Variants in UBASH3B observed in about 807,000 individuals in gnomAD.
The protein encoded by UBASH3B is ubiquitin-associated and SH3 domain-containing protein B.
UBASH3B carries 37 observed loss-of-function variants against 83.4 expected under a neutral mutation model. The observed-to-expected ratio is 0.44, with a 90% confidence interval of 0.34 to 0.58. UBASH3B has a LOEUF of 0.58. Among genes scored for constraint, UBASH3B ranks in the 20% least tolerant of loss-of-function variants. The probability of loss-of-function intolerance (pLI) is 0.01; values close to 1 mark genes in which losing one functional copy is unlikely to be tolerated. For missense variants in UBASH3B, 657 were observed against 827.2 expected (o/e 0.79, Z 2.52); for synonymous variants, 304 against 318.3 (o/e 0.96, Z 0.48).
chr11:122,762,693 T>G (rs1361895905), intron 1 of UBASH3B, among the ~76,000 whole-genome samples: 1 of 152,238 alleles, frequency 6.6e-6, no homozygotes, highest in Non-Finnish European at 1.5e-5. Flanking sequence ...TTTCTACCTC[T>G]GCACCTTTCC....
intron 1 of UBASH3B, among the ~76,000 whole-genome samples, chr11:122,712,316 C>T (rs1431353076): frequency 2.0e-5 from 3 of 152,106 alleles, no homozygotes; most frequent in Non-Finnish European, 2.9e-5. Flanking sequence ...CTCTGGAGGG[C>T]GGTAGCTGAC....
chr11:122,681,698 A>G (rs920765774), intron 1 of UBASH3B, among the ~76,000 whole-genome samples: 5 of 150,840 alleles, frequency 3.3e-5, no homozygotes, highest in Admixed American at 2.6e-4. Flanking sequence ...ACACATGCAC[A>G]CACACACACA....
chr11:122,765,701 G>C (rs1474233840), intron 1 of UBASH3B, among the ~76,000 whole-genome samples: 1 of 152,190 alleles, frequency 6.6e-6, no homozygotes, highest in Admixed American at 6.5e-5. Context: ...TCAGCCCATT[G>C]GGTTACTGGA....
chr11:122,752,614 G>A (rs1402963237), intron 1 of UBASH3B, among the ~76,000 whole-genome samples: 2 of 152,220 alleles, frequency 1.3e-5, no homozygotes, highest in East Asian at 1.9e-4. Flanking sequence ...GGGCAGTAGG[G>A]ATCCATTTTA....
intron 10 of UBASH3B, among the ~76,000 whole-genome samples, chr11:122,799,586 G>C (rs1861216322): frequency 6.6e-6 from 1 of 152,028 alleles, no homozygotes; most frequent in Non-Finnish European, 1.5e-5. Context: ...TGAATCCTAG[G>C]CTTGCAAAAT....
intron 1 of UBASH3B, among the ~76,000 whole-genome samples, chr11:122,736,152 TAG>T (rs1331125710): frequency 2.0e-5 from 3 of 152,060 alleles, no homozygotes; most frequent in Non-Finnish European, 4.4e-5. Context: ...CAGAGAAAGA[TAG>T]AGAAGTCAAG....
intron 1 of UBASH3B, among the ~76,000 whole-genome samples, chr11:122,768,458 A>C (rs1860588000): frequency 7.1e-6 from 1 of 141,386 alleles, no homozygotes. Flanking sequence ...AAAAAGATAG[A>C]GATATATATG....
At chr11:122,658,471 C>T (rs1416986009) in intron 1 of UBASH3B, among the ~76,000 whole-genome samples, 2 of 152,170 alleles carry the variant, frequency 1.3e-5, no homozygotes, top group South Asian at 4.1e-4. Flanking sequence ...CCTGAGGTCT[C>T]CTAATAGCTA....
intron 2 of UBASH3B, 60 bp downstream of exon 2, chr11:122,776,332 A>T: frequency 6.7e-7 from 1 of 1,490,188 alleles, no homozygotes; most frequent in Non-Finnish European, 9.2e-7. Context: ...GTGCATGTGG[A>T]TGAGTGGGGA....
intron 1 of UBASH3B, among the ~76,000 whole-genome samples, chr11:122,742,736 G>A (rs1372409096): frequency 6.6e-6 from 1 of 152,218 alleles, no homozygotes; most frequent in Non-Finnish European, 1.5e-5. Context: ...GTGGGAAAAT[G>A]TTTTAAATCA....
chr11:122,662,416 C>CTTTT (rs1227280747), intron 1 of UBASH3B, among the ~76,000 whole-genome samples: 1 of 149,942 alleles, frequency 6.7e-6, no homozygotes. Context: ...CCACCAGTCG[C>CTTTT]TTTTTCTTTT....
chr11:122,731,999 A>G (rs1860852114), intron 1 of UBASH3B, among the ~76,000 whole-genome samples: 1 of 71,446 alleles, frequency 1.4e-5, no homozygotes, highest in Non-Finnish European at 4.5e-5. Flanking sequence ...CCCCGACGAC[A>G]CACACACACA....
chr11:122,689,925 G>A (rs1345436729), intron 1 of UBASH3B, among the ~76,000 whole-genome samples: 2 of 151,848 alleles, frequency 1.3e-5, no homozygotes, highest in South Asian at 2.1e-4. Flanking sequence ...GAGCTTCCAC[G>A]GCCTCCCCTG....
chr11:122,750,279 T>A (rs1020104178), intron 1 of UBASH3B, among the ~76,000 whole-genome samples: 2 of 152,146 alleles, frequency 1.3e-5, no homozygotes, highest in African/African-American at 4.8e-5. Flanking sequence ...CCCACCTTTC[T>A]TCTTTACTTC....
intron 1 of UBASH3B, among the ~76,000 whole-genome samples, chr11:122,717,239 C>T (rs967324455): frequency 6.6e-6 from 1 of 152,210 alleles, no homozygotes; most frequent in Admixed American, 6.5e-5. Flanking sequence ...TCTTCTCCCA[C>T]CTAAGGCCTT....
chr11:122,669,578 C>T (rs531374880), intron 1 of UBASH3B, among the ~76,000 whole-genome samples: 122 of 152,286 alleles, frequency 8.0e-4, no homozygotes, highest in African/African-American at 2.4e-3. Flanking sequence ...TGTATGTAAG[C>T]GCTTGGTCTG....
intron 3 of UBASH3B, among the ~76,000 whole-genome samples, chr11:122,777,894 T>A (rs1387379997): frequency 6.6e-6 from 1 of 151,350 alleles, no homozygotes; most frequent in Non-Finnish European, 1.5e-5. Context: ...CATGCCCGGC[T>A]AATTTTTGTA....
intron 9 of UBASH3B, among the ~76,000 whole-genome samples, chr11:122,798,241 G>A (rs148947769): frequency 4.6e-5 from 7 of 152,188 alleles, no homozygotes; most frequent in African/African-American, 1.7e-4. Flanking sequence ...TTTATCTCTG[G>A]TATCTAAAAA....
intron 1 of UBASH3B, among the ~76,000 whole-genome samples, chr11:122,669,782 C>A (rs1456934109): frequency 6.6e-6 from 1 of 152,160 alleles, no homozygotes; most frequent in East Asian, 1.9e-4. Flanking sequence ...TATTATTATA[C>A]CCATTTTACA....
Sources: allele counts gnomAD v4.1 joint callset (sites outside exome capture counted in the v4.1 genomes callset), GRCh38; gene constraint gnomAD v4.1.1; transcripts MANE v1.5; gene names NCBI Gene and HGNC (gene_info 2026-07-23, HGNC 2026-07-21).